The following MACROD2 variants were observed in gnomAD, a reference collection of about 807,000 sequenced individuals.
MACROD2 encodes mono-ADP ribosylhydrolase 2, also known as ADP-ribose glycohydrolase MACROD2.
MACROD2 carries 36 observed loss-of-function variants against 70.4 expected under a neutral mutation model. That is an observed-to-expected ratio of 0.51 (90% CI 0.39 to 0.68). MACROD2 has a LOEUF of 0.68. Among genes scored for constraint, MACROD2 ranks in the 30% least tolerant of loss-of-function variants. MACROD2 has a pLI of 0.00. For missense variants in MACROD2, 496 were observed against 538.4 expected, an observed-to-expected ratio of 0.92 and a Z score of 0.78; for synonymous variants, 172 against 178.8, an observed-to-expected ratio of 0.96 and a Z score of 0.30.
At position 15,692,189 on chromosome 20, in the gene MACROD2, G is replaced by A. The variant is rs565333977; in HGVS notation, c.646-170556G>A. Reference sequence around the variant, plus strand: ...TAGGTAATGTCAGGGCCTGCCATGCGGTAGGCACTCAGTGAATGTCTACTG... The same window carrying A: ...TAGGTAATGTCAGGGCCTGCCATGCAGTAGGCACTCAGTGAATGTCTACTG... On this transcript the variant is annotated intron_variant, in intron 8 of 17. Transcript: ENST00000684519. 3.3e-5 allele frequency among the ~76,000 whole-genome samples: 5 copies of A among 152,106 alleles called. No homozygotes were observed. In the South Asian group the frequency reaches 6.2e-4, roughly 19 times the overall value.
chr20:15,237,352 A>AT (rs1256111281), intron 6 of MACROD2, among the ~76,000 whole-genome samples: 1 of 151,988 alleles, frequency 6.6e-6, no homozygotes, highest in Non-Finnish European at 1.5e-5. Context: ...CATTTAGAGA[A>AT]TTTTTTTTGT....
chr20:15,775,056 C>T (rs1376247992), intron 8 of MACROD2, among the ~76,000 whole-genome samples: 1 of 151,966 alleles, frequency 6.6e-6, no homozygotes, highest in Non-Finnish European at 1.5e-5. Flanking sequence ...AGTGTAGCCT[C>T]CAGTCAGAAG....
intron 4 of MACROD2, among the ~76,000 whole-genome samples, chr20:14,600,427 G>T (rs1982419881): frequency 6.7e-6 from 1 of 148,474 alleles, no homozygotes; most frequent in Admixed American, 6.8e-5. Flanking sequence ...ACTCCAGAAA[G>T]AAAAAAAATA....
chr20:14,310,162 A>G (rs1056634582), intron 3 of MACROD2, among the ~76,000 whole-genome samples: 1 of 152,104 alleles, frequency 6.6e-6, no homozygotes, highest in Non-Finnish European at 1.5e-5. Flanking sequence ...TAATGATTAT[A>G]CCCTTTAATT....
intron 8 of MACROD2, among the ~76,000 whole-genome samples, chr20:15,683,734 A>G (rs112738145): frequency 0.19 from 29,160 of 151,830 alleles, 3,840 homozygotes; most frequent in African/African-American, 0.38. Context: ...ATGTACCACC[A>G]CGCCCAGCTA....
intron 2 of MACROD2, among the ~76,000 whole-genome samples, chr20:14,071,929 A>T (rs1258800331): frequency 6.6e-6 from 1 of 152,224 alleles, no homozygotes; most frequent in Non-Finnish European, 1.5e-5. Context: ...AAAAATCAGA[A>T]TAAGGTCATA....
At chr20:15,045,004 A>T (rs2075382301) in intron 5 of MACROD2, among the ~76,000 whole-genome samples, 1 of 152,180 alleles carries the variant, frequency 6.6e-6, no homozygotes, top group African/African-American at 2.4e-5. Context: ...AAACAGTCAT[A>T]TGTGGTTCAA....
intron 5 of MACROD2, among the ~76,000 whole-genome samples, chr20:14,991,243 T>G (rs2074901416): frequency 6.6e-6 from 1 of 152,164 alleles, no homozygotes; most frequent in Admixed American, 6.5e-5. Flanking sequence ...CCCAACTGTT[T>G]GACCACTGCC....
At chr20:15,511,509 C>T (rs958989456) in intron 8 of MACROD2, among the ~76,000 whole-genome samples, 1 of 152,150 alleles carries the variant, frequency 6.6e-6, no homozygotes, top group African/African-American at 2.4e-5. Flanking sequence ...GTTTCCTGGA[C>T]TTACTGAGAT....
chr20:15,832,412 G>A lies in MACROD2; in HGVS notation c.646-30333G>A, dbSNP rs1042189283. 2.6e-5 allele frequency among the ~76,000 whole-genome samples: 4 copies of A among 152,244 alleles called. No individual in the cohort carries two copies. In the East Asian group the frequency reaches 7.7e-4, roughly 29 times the overall value. ...TCTCAATGGCAGGAAACCATTACCA[G>A]CCCTGGAATGGAAAAAATACAGGGG... On this transcript the variant is annotated intron_variant, in intron 8 of 17. Transcript: ENST00000684519.
chr20:15,953,076 G>A (rs558829427), intron 12 of MACROD2, among the ~76,000 whole-genome samples: 1 of 152,202 alleles, frequency 6.6e-6, no homozygotes, highest in South Asian at 2.1e-4. Context: ...GGATAGAACT[G>A]GAGAACATGA....
At chr20:14,456,245 C>G (rs1330698984) in intron 3 of MACROD2, among the ~76,000 whole-genome samples, 1 of 151,796 alleles carries the variant, frequency 6.6e-6, no homozygotes, top group Admixed American at 6.6e-5. Context: ...AGTAATAGAT[C>G]CCAGGAGTGA....
At chr20:14,313,646 C>T (rs184048013) in intron 3 of MACROD2, among the ~76,000 whole-genome samples, 19 of 152,166 alleles carry the variant, frequency 1.2e-4, no homozygotes, top group Admixed American at 2.0e-4. Context: ...AATATTGAAA[C>T]GGAATTCTCA....
At chr20:15,226,981 A>G (rs144602746) in intron 5 of MACROD2, among the ~76,000 whole-genome samples, 1,675 of 152,284 alleles carry the variant, frequency 0.011, 12 homozygotes, top group South Asian at 0.017. Flanking sequence ...ACTCATAAGT[A>G]CTATGGACAA....
At chr20:15,242,115 T>G (rs898174597) in intron 6 of MACROD2, among the ~76,000 whole-genome samples, 1 of 152,184 alleles carries the variant, frequency 6.6e-6, no homozygotes, top group Admixed American at 6.5e-5. Flanking sequence ...CCTCTTGGTA[T>G]AATGGATCAA....
At chr20:15,907,588 C>T (rs969932939) in intron 10 of MACROD2, among the ~76,000 whole-genome samples, 23 of 152,234 alleles carry the variant, frequency 1.5e-4, no homozygotes, top group African/African-American at 5.5e-4. Context: ...GTTTATGCAC[C>T]TTTTTTTGTT....
chr20:14,129,243 A>G (rs1172810397), intron 3 of MACROD2, among the ~76,000 whole-genome samples: 1 of 152,212 alleles, frequency 6.6e-6, no homozygotes, highest in Non-Finnish European at 1.5e-5. Context: ...GAAATTTGGA[A>G]GAAGTTGATT....
At chr20:14,820,357 CTT>C (rs11475238) in intron 5 of MACROD2, among the ~76,000 whole-genome samples, 4,769 of 116,174 alleles carry the variant, frequency 0.041, 101 homozygotes, top group Non-Finnish European at 0.055. Context: ...ATTTTTCTTC[CTT>C]TTTTTTTTTT....
chr20:15,363,875 C>T (rs1459924411), intron 6 of MACROD2, among the ~76,000 whole-genome samples: 5 of 152,098 alleles, frequency 3.3e-5, no homozygotes, highest in Admixed American at 6.5e-5. Flanking sequence ...GGGGGGCTAG[C>T]GGATGCATAT....
Sources: gnomAD v4.1 joint callset for allele counts (sites outside exome capture counted in the v4.1 genomes callset) on GRCh38, gnomAD v4.1.1 for gene constraint, MANE v1.5 for transcripts, NCBI Gene and HGNC (gene_info 2026-07-23, HGNC 2026-07-21) for gene names.